The following MED14 variants were observed in gnomAD, a reference collection of about 807,000 sequenced individuals.
MED14 encodes the protein mediator of RNA polymerase II transcription subunit 14.
In MED14, 8 loss-of-function variants were observed where a neutral mutation model predicts 109.0. The ratio of observed to expected loss-of-function variants is 0.07; its 90% confidence interval spans 0.04 to 0.13. The LOEUF is 0.13. MED14 is among the 10% of genes least tolerant of loss of function. The probability of loss-of-function intolerance (pLI) is 1.00; values close to 1 mark genes in which losing one functional copy is unlikely to be tolerated. For synonymous variants in MED14, 399 were observed against 408.7 expected, an observed-to-expected ratio of 0.98 and a Z score of 0.29; for missense variants, 711 against 1,142.4, an observed-to-expected ratio of 0.62 and a Z score of 5.44.
intron 12 of MED14, among the ~76,000 whole-genome samples, chrX:40,698,477 A>G (rs987494725): frequency 1.5e-4 from 17 of 112,395 alleles, no homozygotes. Context: ...TCAATGAAAA[A>G]TGTACACAGT....
intron 21 of MED14, 98 bp from the exon 22 acceptor site, chrX:40,675,459 T>C (rs377484125): frequency 3.2e-6 from 2 of 632,470 alleles, no homozygotes; most frequent in Non-Finnish European, 4.4e-6. Flanking sequence ...ACACAGTATG[T>C]TGATCCTTGA....
chrX:40,705,372 A>T (rs1000115760), intron 10 of MED14, among the ~76,000 whole-genome samples: 3 of 112,245 alleles, frequency 2.7e-5, no homozygotes, highest in Non-Finnish European at 3.8e-5. Context: ...TAATTACCAC[A>T]ATTGAGTATT....
At chrX:40,725,142 A>G (rs1931852712) in intron 3 of MED14, among the ~76,000 whole-genome samples, 1 of 111,887 alleles carries the variant, frequency 8.9e-6, no homozygotes, top group African/African-American at 3.2e-5. Flanking sequence ...TAGACTAATA[A>G]CAAGTAACAA....
chrX:40,700,363 C>CAAAAAAAAA (rs749901603), intron 12 of MED14, among the ~76,000 whole-genome samples: 1 of 4,956 alleles, frequency 2.0e-4, no homozygotes, highest in African/African-American at 6.9e-4. Context: ...AACCCTGTCT[C>CAAAAAAAAA]AAAAAAAAAA....
At chrX:40,663,331 A>G (rs1351677585) in intron 25 of MED14, among the ~76,000 whole-genome samples, 171 bp from the exon 26 acceptor site, 4 of 111,566 alleles carry the variant, frequency 3.6e-5, no homozygotes, top group Admixed American at 1.9e-4. Context: ...AATGGCCACT[A>G]TTTTTCTCCT....
chrX:40,709,963 T>C lies in MED14; in HGVS notation c.1173+16A>G. 4 of 1,111,722 alleles carry C rather than the reference T, an allele frequency of 3.6e-6. No homozygotes were observed. Among genetic ancestry groups the C allele is most frequent in the Non-Finnish European group, 4.9e-6 (4 of 824,326 alleles). The allele number at this position is 1,111,722 out of a possible 1,213,427, so 91.6% of individuals were successfully genotyped here. On this transcript the variant is annotated intron_variant, in intron 9 of 30. Coordinates refer to ENST00000324817, the MANE Select transcript of MED14 (RefSeq NM_004229.4). The stretch of plus-strand genomic sequence containing the variant: ...ATTCATTTAAACCAATATGAAAATA[T>C]ATTGAGATCTTTTACCTTCATGGCT...
In MED14 at chrX:40,648,508, T is replaced by C. The variant is rs764222019; in HGVS notation, c.*3298A>G. ...TTGATCTTAAGCAACCTTAATTTGA[T>C]CTCAGGCAAATTACATTTCTCTGGG... On this transcript the variant is annotated 3_prime_UTR_variant, in exon 31 of 31. Transcript: ENST00000324817. 3.6e-5 allele frequency: 4 copies of C among 112,178 alleles called. No homozygotes were observed. The South Asian group carries it at 1.1e-3, about 31-fold the overall frequency. 9.2% of individuals were successfully genotyped at this position (112,178 alleles called of 1,213,427 possible). A position where few individuals can be genotyped will look rare whatever the true frequency, so the allele number is the denominator to read the frequency against.
intron 12 of MED14, among the ~76,000 whole-genome samples, chrX:40,700,086 T>C (rs1930866381): frequency 9.1e-6 from 1 of 110,031 alleles, no homozygotes; most frequent in Admixed American, 9.7e-5. Context: ...GAGGGAGAGG[T>C]TGCAGTGAGC....
intron 3 of MED14, among the ~76,000 whole-genome samples, chrX:40,723,122 GAAAGACT>G (rs1177740291): frequency 8.9e-6 from 1 of 112,044 alleles, no homozygotes. Context: ...ATCTTCAGTA[GAAAGACT>G]AAATGGTAAA....
intron 24 of MED14, 76 bp from the exon 25 acceptor site, chrX:40,664,565 T>A: frequency 3.1e-6 from 2 of 635,606 alleles, no homozygotes; most frequent in Non-Finnish European, 4.4e-6. Flanking sequence ...CATTCAAATC[T>A]TTACACAGTA....
In MED14 at chrX:40,703,589, A is replaced by C; in HGVS notation, c.1286-20T>G. ...TGGAAGCTGAACAATCAAGAATTAA[A>C]AATTATTTTTCTATCTGAATATTTT... On this transcript the variant is annotated intron_variant, in intron 10 of 30. Coordinates refer to ENST00000324817, the MANE Select transcript of MED14 (RefSeq NM_004229.4). 5.4e-6 allele frequency: 6 copies of C among 1,115,604 alleles called. No individual in the cohort carries two copies. The highest frequency in any genetic ancestry group is 7.2e-6 in the Non-Finnish European group (6 of 835,397). 91.9% of individuals were successfully genotyped at this position (1,115,604 alleles called of 1,213,427 possible). A position where few individuals can be genotyped will look rare whatever the true frequency, so the allele number is the denominator to read the frequency against.
chrX:40,683,659 T>C (rs1930201152), intron 16 of MED14, among the ~76,000 whole-genome samples: 1 of 111,924 alleles, frequency 8.9e-6, no homozygotes, highest in South Asian at 3.7e-4. Flanking sequence ...CCACCAAGCC[T>C]GGCCCCATGT....
chrX:40,735,637 G>C (rs1345132613), upstream of MED14: 4 of 499,194 alleles, frequency 8.0e-6, no homozygotes, highest in Non-Finnish European at 7.2e-6. Context: ...GGCGGGGATG[G>C]GGGGGAAGCA....
chrX:40,708,250 T>C (rs1349610547), intron 10 of MED14, among the ~76,000 whole-genome samples: 1 of 111,128 alleles, frequency 9.0e-6, no homozygotes, highest in Non-Finnish European at 1.9e-5. Context: ...CCCCTCTCCT[T>C]AGTCTCTTTA....
intron 10 of MED14, among the ~76,000 whole-genome samples, chrX:40,704,887 T>C (rs989488731): frequency 1.8e-5 from 2 of 111,531 alleles, no homozygotes; most frequent in African/African-American, 6.5e-5. Context: ...TGAAGCATTT[T>C]GGATTTCGGA....
chrX:40,691,827 G>C (rs912425367), intron 15 of MED14, among the ~76,000 whole-genome samples: 5 of 108,104 alleles, frequency 4.6e-5, no homozygotes, highest in African/African-American at 1.7e-4. Context: ...GGCCAGGCTG[G>C]ACTCAAACTC....
intron 3 of MED14, among the ~76,000 whole-genome samples, chrX:40,723,048 TAGTG>T: frequency 8.9e-6 from 1 of 111,930 alleles, no homozygotes; most frequent in Non-Finnish European, 1.9e-5. Flanking sequence ...TCACTGGTAA[TAGTG>T]AGCACACAGA....
chrX:40,666,707 T>C lies in MED14; in HGVS notation c.3265+13A>G. 1.7e-6 allele frequency: 2 copies of C among 1,208,398 alleles called. No individual in the cohort carries two copies. The highest frequency in any genetic ancestry group is 1.8e-5 in the South Asian group (1 of 56,502). ...AGCTCTTATGCTATATCGATTTCCA[T>C]GTATGGACTCACCATGTGGACTAGC... On this transcript the variant is annotated intron_variant, in intron 24 of 30. Coordinates refer to ENST00000324817, the MANE Select transcript of MED14 (RefSeq NM_004229.4).
chrX:40,681,984 G>T, intron 18 of MED14, 41 bp from the exon 19 acceptor site: 1 of 674,494 alleles, frequency 1.5e-6, no homozygotes, highest in Non-Finnish European at 2.2e-6. Context: ...TATTATACAT[G>T]TAAAATTTTA....
Sources: allele counts gnomAD v4.1 joint callset (sites outside exome capture counted in the v4.1 genomes callset), GRCh38; gene constraint gnomAD v4.1.1; transcripts MANE v1.5; gene names NCBI Gene and HGNC (gene_info 2026-07-23, HGNC 2026-07-21).